The following MAGI2 variants were observed in gnomAD, a reference collection of about 807,000 sequenced individuals.
The protein encoded by MAGI2 is membrane-associated guanylate kinase, WW and PDZ domain-containing protein 2.
MAGI2 carries 35 observed loss-of-function variants against 133.3 expected under a neutral mutation model. The ratio of observed to expected loss-of-function variants is 0.26; its 90% CI spans 0.20 to 0.35. MAGI2 has a LOEUF of 0.35. Among genes scored for constraint, MAGI2 ranks in the 10% least tolerant of loss-of-function variants. The pLI, the probability that MAGI2 is intolerant of heterozygous loss-of-function variation, is 1.00. For synonymous variants in MAGI2, 729 were observed against 710.6 expected, an observed-to-expected ratio of 1.03 and a Z score of -0.41; for missense variants, 1,636 against 1,863.4, an observed-to-expected ratio of 0.88 and a Z score of 2.25.
rs944551812 is a variant in MAGI2 at position 79,153,641 on chromosome 7, G to A, written c.302-146435C>T. 1.3e-5 allele frequency among the ~76,000 whole-genome samples: 2 copies of A among 152,216 alleles called. 1 individual carries two copies. Among genetic ancestry groups the A allele is most frequent in the South Asian group, 4.1e-4 (2 of 4,832 alleles). ...TAGGAAGGCATTGAAGTGGGCAAAA[G>A]TATGGCTAGGAGTGAGGTCAGGGAT... On this transcript the variant is annotated intron_variant, in intron 1 of 21. Transcript: ENST00000354212.
At chr7:79,017,001 G>A (rs1562791480) in intron 1 of MAGI2, among the ~76,000 whole-genome samples, 1 of 152,220 alleles carries the variant, frequency 6.6e-6, no homozygotes. Flanking sequence ...CCACATAGTG[G>A]TGCCCTGCCA....
At chr7:79,167,183 G>A (rs1417347802) in intron 1 of MAGI2, among the ~76,000 whole-genome samples, 1 of 151,800 alleles carries the variant, frequency 6.6e-6, no homozygotes, top group Non-Finnish European at 1.5e-5. Flanking sequence ...TTGAGGAAGG[G>A]TTCAAACTAG....
At position 79,330,180 on chromosome 7, in the gene MAGI2, C is replaced by CTTTTTTT. The variant is rs544172383; in HGVS notation, c.301+122833_301+122839dup. On this transcript the variant is annotated intron_variant, in intron 1 of 21. Transcript: ENST00000354212. Reference sequence around the variant, plus strand: ...CACATCAGTAACAAACAATCTGCATCTTTTTTTTTTTTTTTTTTTTTTTTT... The same window carrying CTTTTTTT: ...CACATCAGTAACAAACAATCTGCATCTTTTTTTTTTTTTTTTTTTTTTTTTTTTTTTT... 1.4e-3 allele frequency among the ~76,000 whole-genome samples: 82 copies of CTTTTTTT among 59,158 alleles called. 9 individuals are homozygous for CTTTTTTT. The highest frequency in any genetic ancestry group is 0.013 in the East Asian group (21 of 1,676). 38.8% of individuals were successfully genotyped at this position (59,158 alleles called of 152,430 possible). A position where few individuals can be genotyped will look rare whatever the true frequency, so the allele number is the denominator to read the frequency against.
intron 2 of MAGI2, among the ~76,000 whole-genome samples, chr7:78,965,613 A>G (rs1393726095): frequency 6.6e-6 from 1 of 151,974 alleles, no homozygotes; most frequent in Non-Finnish European, 1.5e-5. Flanking sequence ...CAAACACAGA[A>G]TTTTGTCTTC....
intron 9 of MAGI2, among the ~76,000 whole-genome samples, chr7:78,261,692 AC>A (rs570550149): frequency 2.8e-4 from 42 of 152,258 alleles, no homozygotes; most frequent in African/African-American, 9.9e-4. Context: ...AAATAAAAAA[AC>A]CTGACAACTC....
chr7:79,436,998 T>C (rs1848188818), intron 1 of MAGI2, among the ~76,000 whole-genome samples: 1 of 152,206 alleles, frequency 6.6e-6, no homozygotes, highest in Non-Finnish European at 1.5e-5. Context: ...ATATACACCA[T>C]GGATTACTAT....
At chr7:78,922,447 G>T (rs530579715) in intron 2 of MAGI2, among the ~76,000 whole-genome samples, 4 of 151,398 alleles carry the variant, frequency 2.6e-5, no homozygotes, top group African/African-American at 9.7e-5. Flanking sequence ...GCGGTGTTTG[G>T]TTTTTTGTCC....
At chr7:78,475,280 G>T (rs760618191) in intron 6 of MAGI2, among the ~76,000 whole-genome samples, 1 of 151,966 alleles carries the variant, frequency 6.6e-6, no homozygotes, top group Non-Finnish European at 1.5e-5. Flanking sequence ...AAATCATGCA[G>T]CATCTTGAAT....
intron 2 of MAGI2, among the ~76,000 whole-genome samples, chr7:78,821,833 T>C (rs987790453): frequency 2.7e-4 from 41 of 152,174 alleles, no homozygotes; most frequent in Non-Finnish European, 1.2e-4. Flanking sequence ...AAAGTGTTCA[T>C]CTGACAATGA....
intron 1 of MAGI2, among the ~76,000 whole-genome samples, chr7:79,444,901 C>G (rs2129201229): frequency 6.6e-6 from 1 of 152,306 alleles, no homozygotes; most frequent in East Asian, 1.9e-4. Context: ...ATCACGCTAT[C>G]TGACTTCAAA....
At chr7:78,051,638 G>C (rs1372715436) in intron 21 of MAGI2, among the ~76,000 whole-genome samples, 1 of 152,166 alleles carries the variant, frequency 6.6e-6, no homozygotes, top group East Asian at 1.9e-4. Flanking sequence ...AGGCTGGAGT[G>C]CAGTGGCGCG....
At chr7:79,059,579 T>C (rs1215761467) in intron 1 of MAGI2, among the ~76,000 whole-genome samples, 2 of 152,216 alleles carry the variant, frequency 1.3e-5, no homozygotes, top group African/African-American at 2.4e-5. Flanking sequence ...AGTTATTTTG[T>C]TTAAATTTAA....
chr7:79,339,693 G>A (rs966488061), intron 1 of MAGI2, among the ~76,000 whole-genome samples: 3 of 152,064 alleles, frequency 2.0e-5, no homozygotes, highest in Non-Finnish European at 4.4e-5. Flanking sequence ...TCAGTCTCTA[G>A]TACGTGAGCA....
chr7:78,396,332 A>T (rs7810316), intron 6 of MAGI2, among the ~76,000 whole-genome samples: 44,736 of 151,946 alleles, frequency 0.29, 7,274 homozygotes, highest in Middle Eastern at 0.41. Context: ...CTGACTTCTC[A>T]TCATACCACT....
intron 2 of MAGI2, among the ~76,000 whole-genome samples, chr7:78,888,820 G>A (rs1320490292): frequency 6.6e-6 from 1 of 152,136 alleles, no homozygotes; most frequent in Non-Finnish European, 1.5e-5. Context: ...AAATCACAGT[G>A]CCTCTCCTCC....
chr7:78,671,741 G>A (rs1814417166), intron 2 of MAGI2, among the ~76,000 whole-genome samples: 1 of 152,056 alleles, frequency 6.6e-6, no homozygotes, highest in Admixed American at 6.6e-5. Flanking sequence ...GAGTCTAAAT[G>A]CCCTCTTTAA....
At chr7:78,410,427 C>A (rs549306908) in intron 6 of MAGI2, among the ~76,000 whole-genome samples, 8 of 151,982 alleles carry the variant, frequency 5.3e-5, no homozygotes, top group Non-Finnish European at 1.0e-4. Context: ...ATTAAATGAT[C>A]CTAGAAGGCC....
At position 78,610,414 on chromosome 7, in the gene MAGI2, T is replaced by G. The variant is rs540139977; in HGVS notation, c.538+16706A>C. ...GTGCTGGTAGAACTCTTAAAGGGCA[T>G]CCAGCTCAACCACTTGGCTTTACAG... On this transcript the variant is annotated intron_variant, in intron 3 of 21. Transcript: ENST00000354212. 1.1e-4 allele frequency among the ~76,000 whole-genome samples: 17 copies of G among 152,288 alleles called. No homozygotes were observed. In the East Asian group the frequency reaches 3.1e-3, roughly 28 times the overall value.
At chr7:79,256,021 A>T (rs900681005) in intron 1 of MAGI2, among the ~76,000 whole-genome samples, 4 of 152,170 alleles carry the variant, frequency 2.6e-5, no homozygotes, top group African/African-American at 9.7e-5. Context: ...ATGCAGCATC[A>T]TTTCTTATCT....
Sources: allele counts gnomAD v4.1 joint callset (sites outside exome capture counted in the v4.1 genomes callset), GRCh38; gene constraint gnomAD v4.1.1; transcripts MANE v1.5; gene names NCBI Gene and HGNC (gene_info 2026-07-23, HGNC 2026-07-21).